SERPINB11: variants seen among roughly 807,000 people sequenced by gnomAD.
SERPINB11 encodes serpin family B member 11.
A neutral mutation model predicts 36.7 loss-of-function variants in SERPINB11; 32 were observed. The observed-to-expected ratio is 0.87, with a 90% confidence interval of 0.66 to 1.17. The LOEUF is 1.17. Ranked by LOEUF, SERPINB11 falls within the 50% of genes most tolerant of loss-of-function variation. The pLI, the probability that SERPINB11 is intolerant of heterozygous loss-of-function variation, is 0.00. For synonymous variants in SERPINB11, 174 were observed against 168.1 expected (o/e 1.04, Z -0.27); for missense variants, 528 against 458.4 (o/e 1.15, Z -1.39).
chr18:63,722,901 A>G, intron 7 of SERPINB11, 94 bp from the exon 8 acceptor site: 4 of 1,287,330 alleles, frequency 3.1e-6, no homozygotes, highest in Non-Finnish European at 4.2e-6. Flanking sequence ...GATGAAGTTG[A>G]ACCACTCACA....
intron 4 of SERPINB11, among the ~76,000 whole-genome samples, chr18:63,713,855 C>T (rs1914592791): frequency 6.6e-6 from 1 of 152,116 alleles, no homozygotes; most frequent in African/African-American, 2.4e-5. Context: ...AGAAGGTCCT[C>T]ATTAGCATCA....
At chr18:63,719,288 G>T (rs1268051111) in intron 5 of SERPINB11, among the ~76,000 whole-genome samples, 1 of 151,934 alleles carries the variant, frequency 6.6e-6, no homozygotes, top group East Asian at 1.9e-4. Context: ...TATGCTTAAG[G>T]TTAGGTATTG....
At chr18:63,711,296 G>T in intron 2 of SERPINB11, 39 bp from the exon 3 acceptor site, 1 of 1,402,328 alleles carries the variant, frequency 7.1e-7, no homozygotes, top group Non-Finnish European at 1.0e-6. Flanking sequence ...ACTGTACATT[G>T]CTTCTGATGC....
At chr18:63,716,336 C>G (rs1914667693) in intron 5 of SERPINB11, among the ~76,000 whole-genome samples, 184 bp downstream of exon 5, 1 of 152,164 alleles carries the variant, frequency 6.6e-6, no homozygotes, top group Non-Finnish European at 1.5e-5. Context: ...TACAAAGTGA[C>G]TCTGCGAATG....
At chr18:63,717,766 A>G (rs1914706076) in intron 5 of SERPINB11, among the ~76,000 whole-genome samples, 1 of 151,550 alleles carries the variant, frequency 6.6e-6, no homozygotes, top group African/African-American at 2.4e-5. Flanking sequence ...AACTTCTACT[A>G]TTTTGCATCT....
chr18:63,722,963 T>A, intron 7 of SERPINB11, 32 bp from the exon 8 acceptor site: 1 of 1,519,552 alleles, frequency 6.6e-7, no homozygotes, highest in Non-Finnish European at 8.8e-7. Flanking sequence ...TGTGTTTGAC[T>A]CATGTGGGCT....
intron 2 of SERPINB11, among the ~76,000 whole-genome samples, chr18:63,710,631 C>T (rs187280412): frequency 3.9e-5 from 6 of 152,074 alleles, no homozygotes; most frequent in Admixed American, 1.3e-4. Context: ...TTTTAGAGTC[C>T]CTTCATTCAG....
At chr18:63,707,137 G>A (rs1725231917) in intron 1 of SERPINB11, among the ~76,000 whole-genome samples, 1 of 152,160 alleles carries the variant, frequency 6.6e-6, no homozygotes, top group Non-Finnish European at 1.5e-5. Context: ...TGGGGCCTGA[G>A]AAGGGTGAAG....
At position 63,723,214 on chromosome 18, in the gene SERPINB11, A is replaced by G. The variant is rs774270461; in HGVS notation, c.994A>G (p.Ile332Val). 1 of 1,613,810 alleles carries G rather than the reference A, an allele frequency of 6.2e-7. No individual in the cohort carries two copies. The highest frequency in any genetic ancestry group is 8.5e-7 in the Non-Finnish European group (1 of 1,179,852). ...CAAGGGCCTATATTTATCAAAAGCC[A>G]TCCACAAGTCATACCTGGATGTCAG... Reference protein sequence around the residue: ...PTKGLYLSKAIHKSYLDVSEE... With the variant: ...PTKGLYLSKAVHKSYLDVSEE... The change falls in exon 8 of 8, where the codon ATC (isoleucine) becomes GTC (valine). Residue 332 changes from isoleucine to valine, a missense_variant. Ile to Val is a conservative substitution (Grantham distance 29, BLOSUM62 3). Coordinates refer to ENST00000544088, the MANE Select transcript of SERPINB11 (RefSeq NM_001370475.1).
In SERPINB11 at chr18:63,710,151, C is replaced by A. The variant is rs1041951106; in HGVS notation, c.-15-28C>A. Reference sequence around the variant, plus strand: ...ACTATCTGTAACTTCAAGTGATGTTCTGAGAATTTTTTCCCTTCTGTTCTC... The same window carrying A: ...ACTATCTGTAACTTCAAGTGATGTTATGAGAATTTTTTCCCTTCTGTTCTC... On this transcript the variant is annotated intron_variant, in intron 1 of 7. Transcript: ENST00000544088. The A allele has an allele frequency of 1.0e-5, 16 of 1,543,588 alleles. No individual in the cohort carries two copies. In the African/African-American group the frequency reaches 1.7e-4, roughly 16 times the overall value.
rs1308085598 is a variant in SERPINB11, at chr18:63,720,139, C to A, written c.602C>A (p.Pro201His). ...CAAGTAAGAGAGACAGTTAAAAGTC[C>A]TTTTCAGCTAAGTGAGGTAAGTATT... The part of the protein sequence containing the change: ...KFQVRETVKS[P>H]FQLSEGKNVT... Residue 201 changes from proline to histidine, a missense_variant, in exon 6 of 8, where the codon CCT becomes CAT. Pro to His is a moderately conservative substitution (Grantham distance 77). Coordinates refer to ENST00000544088, the MANE Select transcript of SERPINB11 (RefSeq NM_001370475.1). The A allele has an allele frequency of 6.2e-7, 1 of 1,606,242 alleles. No homozygotes were observed. The highest frequency in any genetic ancestry group is 8.5e-7 in the Non-Finnish European group (1 of 1,174,928).
chr18:63,720,049 A>G lies in SERPINB11; in HGVS notation c.512A>G (p.Asp171Gly). The change falls in exon 6 of 8, where the codon GAC becomes GGC. Residue 171 changes from aspartate (D) to glycine (G), a missense_variant. Asp to Gly is a moderately conservative substitution (Grantham distance 94). Coordinates refer to ENST00000544088, the MANE Select transcript of SERPINB11 (RefSeq NM_001370475.1). ...VANLFGKSTI[D>G]PSSVMVLVNA... ...AATCTCTTTGGAAAGAGCACAATTG[A>G]CCCTTCATCTGTAATGGTCCTGGTG... 1.2e-6 allele frequency: 2 copies of G among 1,609,672 alleles called. No individual in the cohort carries two copies. Among genetic ancestry groups the G allele is most frequent in the Admixed American group, 3.4e-5 (2 of 59,176 alleles).
chr18:63,703,528 A>G (rs1378086319), intron 1 of SERPINB11, among the ~76,000 whole-genome samples: 1 of 152,228 alleles, frequency 6.6e-6, no homozygotes, highest in South Asian at 2.1e-4. Flanking sequence ...TTATGTGAAC[A>G]TTCTGAAATT....
intron 2 of SERPINB11, among the ~76,000 whole-genome samples, 181 bp from the exon 3 acceptor site, chr18:63,711,154 T>C (rs1914511599): frequency 6.6e-6 from 1 of 152,110 alleles, no homozygotes; most frequent in South Asian, 2.1e-4. Flanking sequence ...ACTCATAAAG[T>C]TGTTGGGAAG....
rs1914518241 is a variant in SERPINB11, at chr18:63,711,343, T to C, written c.177T>C (p.His59=). 2 of 1,609,528 alleles carry C rather than the reference T, an allele frequency of 1.2e-6. No individual in the cohort carries two copies. The highest frequency in any genetic ancestry group is 1.3e-5 in the African/African-American group (1 of 74,790). The stretch of plus-strand genomic sequence containing the variant: ...TTTTTTTTCTTTTCTAGGTGCTTCA[T>C]TTTAGTCATACTGTAGACTCATTAA... The part of the protein sequence containing the change: ...ETEEQLEKVL[H]FSHTVDSLKP... The change falls in exon 3 of 8, where the codon CAT becomes CAC. Residue 59 remains histidine (H), a synonymous_variant. Transcript: ENST00000544088.
intron 5 of SERPINB11, among the ~76,000 whole-genome samples, chr18:63,719,676 T>C (rs964697097): frequency 2.0e-5 from 3 of 152,078 alleles, no homozygotes; most frequent in African/African-American, 7.2e-5. Flanking sequence ...ATATTAAAAG[T>C]AAGCCACAAG....
chr18:63,717,154 G>GT (rs1025666417), intron 5 of SERPINB11, among the ~76,000 whole-genome samples: 6 of 151,624 alleles, frequency 4.0e-5, no homozygotes, highest in East Asian at 1.9e-4. Flanking sequence ...AGTTATGTGG[G>GT]TTTTTTTTAG....
intron 7 of SERPINB11, among the ~76,000 whole-genome samples, chr18:63,721,718 G>A (rs759907695): frequency 4.3e-4 from 65 of 152,166 alleles, no homozygotes; most frequent in Non-Finnish European, 7.2e-4. Context: ...TGAGCAAAGT[G>A]TGTGTGTGTC....
At chr18:63,713,722 A>G (rs1243990512) in intron 4 of SERPINB11, among the ~76,000 whole-genome samples, 2 of 152,164 alleles carry the variant, frequency 1.3e-5, no homozygotes, top group Non-Finnish European at 2.9e-5. Flanking sequence ...GGGATTAACA[A>G]TCACGGTCCT....
Sources: allele counts gnomAD v4.1 joint callset (sites outside exome capture counted in the v4.1 genomes callset), GRCh38; gene constraint gnomAD v4.1.1; transcripts MANE v1.5; gene names NCBI Gene and HGNC (gene_info 2026-07-23, HGNC 2026-07-21).